Variants in WWOX observed in about 807,000 individuals in gnomAD.
WWOX encodes the protein WW domain-containing oxidoreductase.
WWOX carries 69 observed loss-of-function variants against 46.2 expected under a neutral mutation model. The observed-to-expected ratio is 1.49, with a 90% CI of 1.23 to 1.82. The LOEUF (loss-of-function observed/expected upper bound fraction) is 1.82, where lower values mean the gene tolerates loss of function less well. WWOX is among the 40% of genes most tolerant of loss of function. WWOX has a pLI of 0.00. For synonymous variants in WWOX, 359 were observed against 202.6 expected (o/e 1.77, Z -6.56); for missense variants, 919 against 542.6 (o/e 1.69, Z -6.89).
chr16:78,549,334 C>G (rs913078209), intron 8 of WWOX, among the ~76,000 whole-genome samples: 2 of 152,176 alleles, frequency 1.3e-5, no homozygotes, highest in African/African-American at 4.8e-5. Flanking sequence ...ATTGAATCTG[C>G]TGTAAGCTCT....
intron 8 of WWOX, among the ~76,000 whole-genome samples, chr16:78,460,349 A>C (rs2738650): frequency 6.6e-6 from 1 of 151,940 alleles, no homozygotes; most frequent in Non-Finnish European, 1.5e-5. Flanking sequence ...GTTGTTCTCA[A>C]ACTACTGACC....
intron 8 of WWOX, among the ~76,000 whole-genome samples, chr16:78,703,431 CAT>C: frequency 6.7e-6 from 1 of 149,174 alleles, no homozygotes; most frequent in Middle Eastern, 3.4e-3. Flanking sequence ...GTGTGGGTAA[CAT>C]AGAGACTCTG....
At chr16:78,310,060 C>A (rs572381392) in intron 5 of WWOX, among the ~76,000 whole-genome samples, 3 of 150,730 alleles carry the variant, frequency 2.0e-5, no homozygotes, top group African/African-American at 7.3e-5. Flanking sequence ...CCTCCTTCCC[C>A]CTCCTTCCCC....
At position 78,999,930 on chromosome 16, in the gene WWOX, C is replaced by T. The variant is rs148713268; in HGVS notation, c.1057-211678C>T. On this transcript the variant is annotated intron_variant, in intron 8 of 8. Transcript: ENST00000566780. ...ATGAAAATTCTACGTCATGAGAAAG[C>T]ATTGTGCCATATTTTCACCGGGAGC... Among the ~76,000 whole-genome samples the T allele has an allele frequency of 3.0e-3, 450 of 152,236 alleles. 2 individuals carry two copies. Among genetic ancestry groups the T allele is most frequent in the African/African-American group, 0.01 (433 of 41,538 alleles).
chr16:79,125,095 C>T (rs1021158614), intron 8 of WWOX, among the ~76,000 whole-genome samples: 1 of 150,220 alleles, frequency 6.7e-6, no homozygotes, highest in African/African-American at 2.5e-5. Context: ...ATATGCAGAT[C>T]CTGCTAGAGA....
Position 78,422,838 on chromosome 16 carries a change from TACATATACACAC to T in WWOX, c.606-2028_606-2017del, listed in dbSNP as rs1331225801. Among the ~76,000 whole-genome samples the T allele has an allele frequency of 2.9e-4, 28 of 96,468 alleles. No homozygotes were observed. In the South Asian group the frequency reaches 3.6e-3, roughly 13 times the overall value. The allele number at this position is 96,468 out of a possible 152,430, so 63.3% of individuals were successfully genotyped here. The stretch of plus-strand genomic sequence containing the variant: ...ATATATACACACACATATATATATA[TACATATACACAC>T]ACACACACACACACACACACACACA... On this transcript the variant is annotated intron_variant, in intron 6 of 8. Coordinates refer to ENST00000566780, the MANE Select transcript of WWOX (RefSeq NM_016373.4).
intron 8 of WWOX, among the ~76,000 whole-genome samples, chr16:78,866,355 C>T (rs958536109): frequency 3.3e-5 from 5 of 152,082 alleles, no homozygotes; most frequent in African/African-American, 1.2e-4. Context: ...ACATGATTAA[C>T]TTGCAATAAT....
chr16:79,183,161 A>G (rs1033958495), intron 8 of WWOX, among the ~76,000 whole-genome samples: 9 of 152,238 alleles, frequency 5.9e-5, no homozygotes, highest in Admixed American at 5.9e-4. Flanking sequence ...AGGCGTGAGC[A>G]GAGCAGGTGG....
chr16:79,070,842 G>T (rs1048695343), intron 8 of WWOX, among the ~76,000 whole-genome samples: 2 of 152,176 alleles, frequency 1.3e-5, no homozygotes, highest in Non-Finnish European at 2.9e-5. Flanking sequence ...ATTGGTGAGG[G>T]AGTGGAAGAG....
chr16:78,333,918 C>A (rs1473417083), intron 5 of WWOX, among the ~76,000 whole-genome samples: 2 of 149,778 alleles, frequency 1.3e-5, no homozygotes, highest in East Asian at 2.0e-4. Context: ...CATCTCCTCC[C>A]CCTCTTCTTC....
chr16:78,845,088 C>G (rs777794706), intron 8 of WWOX, among the ~76,000 whole-genome samples: 7 of 151,550 alleles, frequency 4.6e-5, no homozygotes, highest in Non-Finnish European at 1.0e-4. Flanking sequence ...GTTGTCTCCT[C>G]CTATTTAATA....
At chr16:78,355,726 T>G (rs1270066235) in intron 5 of WWOX, 1 of 731,890 alleles carries the variant, frequency 1.4e-6, no homozygotes, top group Non-Finnish European at 2.3e-6. Flanking sequence ...TAGAAATTGA[T>G]GAGGAAACAT....
chr16:78,203,115 G>C (rs956619809), intron 5 of WWOX, among the ~76,000 whole-genome samples: 18 of 152,172 alleles, frequency 1.2e-4, no homozygotes, highest in Middle Eastern at 3.2e-3. Context: ...GGGAGGTCAA[G>C]TAAAGGCCAT....
intron 5 of WWOX, among the ~76,000 whole-genome samples, chr16:78,366,622 A>G (rs148477980): frequency 5.9e-4 from 90 of 152,334 alleles, no homozygotes; most frequent in Middle Eastern, 3.4e-3. Context: ...ACTGGAACAG[A>G]GGAATACCAG....
intron 5 of WWOX, among the ~76,000 whole-genome samples, chr16:78,219,464 G>A (rs1283529914): frequency 6.6e-6 from 1 of 152,104 alleles, no homozygotes; most frequent in Non-Finnish European, 1.5e-5. Context: ...CTAATCTAAA[G>A]TGACAGGAAG....
intron 8 of WWOX, among the ~76,000 whole-genome samples, chr16:79,023,062 A>G (rs907891075): frequency 1.3e-5 from 2 of 151,988 alleles, no homozygotes; most frequent in African/African-American, 4.8e-5. Context: ...CAAAAATAAT[A>G]CCTACAATAA....
At chr16:78,203,185 C>T (rs1296594990) in intron 5 of WWOX, among the ~76,000 whole-genome samples, 7 of 152,158 alleles carry the variant, frequency 4.6e-5, no homozygotes, top group African/African-American at 1.2e-4. Context: ...CAGAGCCTGG[C>T]GGAGTTCATT....
chr16:78,472,898 C>T (rs933896614), intron 8 of WWOX, among the ~76,000 whole-genome samples: 7 of 151,586 alleles, frequency 4.6e-5, no homozygotes, highest in Non-Finnish European at 8.8e-5. Flanking sequence ...GGGATTACTG[C>T]GCCACTCCCT....
At chr16:78,927,967 T>C (rs1004953927) in intron 8 of WWOX, among the ~76,000 whole-genome samples, 1 of 151,814 alleles carries the variant, frequency 6.6e-6, no homozygotes, top group African/African-American at 2.4e-5. Flanking sequence ...ATAAACAATC[T>C]CAGGGTTTTT....
Sources: gnomAD v4.1 joint callset for allele counts (sites outside exome capture counted in the v4.1 genomes callset) on GRCh38, gnomAD v4.1.1 for gene constraint, MANE v1.5 for transcripts, NCBI Gene and HGNC (gene_info 2026-07-23, HGNC 2026-07-21) for gene names.